RBFOX1: variants seen among roughly 807,000 people sequenced by gnomAD.
RBFOX1 encodes RNA binding fox-1 homolog 1.
Under a neutral mutation model 57.7 loss-of-function variants are expected in RBFOX1, and 8 were observed. That is an observed-to-expected ratio of 0.14 (90% CI 0.08 to 0.25). RBFOX1 has a LOEUF of 0.25. Among genes scored for constraint, RBFOX1 ranks in the 10% least tolerant of loss-of-function variants. The pLI, the probability that RBFOX1 is intolerant of heterozygous loss-of-function variation, is 1.00. For missense variants in RBFOX1, 611 were observed against 548.5 expected (o/e 1.11, Z -1.14); for synonymous variants, 326 against 222.4 (o/e 1.47, Z -4.15).
intron 4 of RBFOX1, among the ~76,000 whole-genome samples, chr16:7,115,739 C>T (rs2065763392): frequency 6.6e-6 from 1 of 151,754 alleles, no homozygotes; most frequent in South Asian, 2.1e-4. Flanking sequence ...CATTCCATTT[C>T]TCATGCTGCA....
At chr16:7,566,565 GT>G (rs2091732251) in intron 5 of RBFOX1, among the ~76,000 whole-genome samples, 1 of 152,120 alleles carries the variant, frequency 6.6e-6, no homozygotes, top group Non-Finnish European at 1.5e-5. Flanking sequence ...CTGAGCCTCA[GT>G]TTTCCTAGTT....
At chr16:6,316,411 A>G (rs1470558631) in intron 1 of RBFOX1, among the ~76,000 whole-genome samples, 2 of 152,238 alleles carry the variant, frequency 1.3e-5, no homozygotes, top group Non-Finnish European at 2.9e-5. Flanking sequence ...GATACCTTGT[A>G]TCATAATTCT....
intron 4 of RBFOX1, among the ~76,000 whole-genome samples, chr16:7,219,445 C>T (rs2092547766): frequency 6.6e-6 from 1 of 152,134 alleles, no homozygotes. Flanking sequence ...GAAAGAGAAC[C>T]GTCGGCTGCT....
intron 2 of RBFOX1, among the ~76,000 whole-genome samples, chr16:6,539,903 C>G (rs1250562966): frequency 6.6e-6 from 1 of 151,574 alleles, no homozygotes; most frequent in African/African-American, 2.4e-5. Flanking sequence ...ACTTTTAAAC[C>G]TTCTCCACCA....
intron 1 of RBFOX1, among the ~76,000 whole-genome samples, chr16:5,276,862 A>G (rs2063154222): frequency 6.6e-6 from 1 of 152,226 alleles, no homozygotes; most frequent in Non-Finnish European, 1.5e-5. Context: ...AGCTAGTACC[A>G]TCACTATGGA....
intron 3 of RBFOX1, among the ~76,000 whole-genome samples, chr16:6,973,490 T>G (rs2086059179): frequency 1.3e-5 from 2 of 152,224 alleles, no homozygotes. Flanking sequence ...GGAATTTTCT[T>G]TTGCTGAAAT....
At chr16:6,702,365 C>T (rs551520741) in intron 3 of RBFOX1, among the ~76,000 whole-genome samples, 20 of 152,160 alleles carry the variant, frequency 1.3e-4, no homozygotes, top group South Asian at 2.1e-4. Context: ...ACCAGACTGG[C>T]CAACATGGTG....
At chr16:7,409,572 G>A (rs1180014312) in intron 4 of RBFOX1, among the ~76,000 whole-genome samples, 2 of 152,114 alleles carry the variant, frequency 1.3e-5, no homozygotes, top group African/African-American at 4.8e-5. Flanking sequence ...TCTGTGCATT[G>A]AATATGTATG....
intron 3 of RBFOX1, among the ~76,000 whole-genome samples, chr16:5,786,998 C>A (rs8061572): frequency 6.6e-6 from 1 of 152,010 alleles, no homozygotes; most frequent in African/African-American, 2.4e-5. Context: ...TAACTGGGCG[C>A]GGTGGCAGAT....
chr16:5,724,369 A>G (rs1450889121), intron 3 of RBFOX1, among the ~76,000 whole-genome samples: 1 of 152,136 alleles, frequency 6.6e-6, no homozygotes, highest in African/African-American at 2.4e-5. Context: ...GGGCTCTGTG[A>G]GAGCATTCAG....
intron 4 of RBFOX1, among the ~76,000 whole-genome samples, chr16:7,060,395 C>G (rs1281592981): frequency 6.6e-6 from 1 of 152,148 alleles, no homozygotes; most frequent in East Asian, 1.9e-4. Context: ...AGGCCTTAGA[C>G]TCACATCAAA....
At chr16:5,700,963 T>G (rs1014242305) in intron 3 of RBFOX1, among the ~76,000 whole-genome samples, 9 of 152,206 alleles carry the variant, frequency 5.9e-5, no homozygotes, top group Non-Finnish European at 2.9e-5. Context: ...TTAAGAGGAA[T>G]GCTACTACTT....
chr16:7,605,738 G>C (rs890366034), intron 9 of RBFOX1, among the ~76,000 whole-genome samples: 2 of 152,118 alleles, frequency 1.3e-5, no homozygotes, highest in Admixed American at 6.5e-5. Context: ...TTTAATCATT[G>C]CCTTCTCTCA....
At chr16:6,988,547 A>G (rs888625307) in intron 3 of RBFOX1, among the ~76,000 whole-genome samples, 1 of 151,054 alleles carries the variant, frequency 6.6e-6, no homozygotes, top group Non-Finnish European at 1.5e-5. Flanking sequence ...TTCCCTTTTT[A>G]TTTTAATTTA....
At chr16:7,461,132 G>C (rs1221595503) in intron 4 of RBFOX1, among the ~76,000 whole-genome samples, 1 of 152,002 alleles carries the variant, frequency 6.6e-6, no homozygotes, top group African/African-American at 2.4e-5. Flanking sequence ...ATTTCACGTG[G>C]TTGATAAGAA....
chr16:6,746,001 G>T (rs555446210), intron 3 of RBFOX1, among the ~76,000 whole-genome samples: 4 of 152,230 alleles, frequency 2.6e-5, no homozygotes, highest in Non-Finnish European at 5.9e-5. Context: ...GGAAATTAAA[G>T]CTTAAAAATA....
chr16:6,796,246 G>T (rs1420945152), intron 3 of RBFOX1, among the ~76,000 whole-genome samples: 1 of 152,064 alleles, frequency 6.6e-6, no homozygotes, highest in African/African-American at 2.4e-5. Context: ...AACAGTGAAG[G>T]AAAGACCCAC....
At chr16:7,201,795 C>G (rs1031662002) in intron 4 of RBFOX1, among the ~76,000 whole-genome samples, 2 of 152,074 alleles carry the variant, frequency 1.3e-5, no homozygotes, top group African/African-American at 2.4e-5. Context: ...CTTACCCAGG[C>G]TGGTAGAGAA....
chr16:7,702,165 G>A (rs4630566), intron 14 of RBFOX1, among the ~76,000 whole-genome samples: 3,843 of 152,296 alleles, frequency 0.025, 59 homozygotes, highest in Middle Eastern at 0.071. Flanking sequence ...GGGATTCTGC[G>A]ATTTGAAAAT....
Sources: gnomAD v4.1 joint callset for allele counts (sites outside exome capture counted in the v4.1 genomes callset) on GRCh38, gnomAD v4.1.1 for gene constraint, MANE v1.5 for transcripts, NCBI Gene and HGNC (gene_info 2026-07-23, HGNC 2026-07-21) for gene names.